Variants in PECAM1 observed in about 807,000 individuals in gnomAD.
PECAM1 encodes the protein platelet endothelial cell adhesion molecule.
PECAM1 carries 8 observed loss-of-function variants against 13.8 expected under a neutral mutation model. The observed-to-expected ratio is 0.58, with a 90% CI of 0.34 to 1.05. The LOEUF is 1.05. PECAM1 is among the 50% of genes least tolerant of loss of function. The probability of loss-of-function intolerance (pLI) is 0.03; values close to 1 mark genes in which losing one functional copy is unlikely to be tolerated. For synonymous variants in PECAM1, 136 were observed against 52.6 expected, an observed-to-expected ratio of 2.58 and a Z score of -6.86; for missense variants, 304 against 141.2, an observed-to-expected ratio of 2.15 and a Z score of -5.84.
chr17:64,349,001 C>A (rs1021431598), intron 12 of PECAM1, among the ~76,000 whole-genome samples: 5 of 152,144 alleles, frequency 3.3e-5, no homozygotes, highest in African/African-American at 1.2e-4. Context: ...TCAGCCCCAG[C>A]AGTTCTCCCA....
At chr17:64,379,724 TA>T (rs1207120494) in intron 2 of PECAM1, among the ~76,000 whole-genome samples, 28 of 151,972 alleles carry the variant, frequency 1.8e-4, no homozygotes, top group Non-Finnish European at 3.8e-4. Context: ...TATACATGGC[TA>T]AAAAAAATAT....
intron 13 of PECAM1, among the ~76,000 whole-genome samples, chr17:64,343,652 A>G (rs1394390229): frequency 1.3e-5 from 2 of 152,132 alleles, no homozygotes; most frequent in Non-Finnish European, 2.9e-5. Context: ...TCAGATCCCT[A>G]CAGTTGAACT....
At chr17:64,361,557 C>G (rs1423917932) in intron 6 of PECAM1, among the ~76,000 whole-genome samples, 1 of 151,676 alleles carries the variant, frequency 6.6e-6, no homozygotes, top group Non-Finnish European at 1.5e-5. Context: ...ACTTTAAGAC[C>G]AGCCTGACCA....
At chr17:64,329,752 G>C in intron 14 of PECAM1, 30 bp from the exon 15 acceptor site, 1 of 763,390 alleles carries the variant, frequency 1.3e-6, no homozygotes, top group Non-Finnish European at 2.4e-6. Flanking sequence ...ATGGCAGTGA[G>C]CAACGCAAAT....
Position 64,321,634 on chromosome 17 carries a change from G to T in PECAM1, c.*2182C>A. 2.1e-6 allele frequency: 1 copy of T among 481,562 alleles called. No homozygotes were observed. The highest frequency in any genetic ancestry group is 2.9e-6 in the Non-Finnish European group (1 of 343,406). 29.8% of individuals were successfully genotyped at this position (481,562 alleles called of 1,614,324 possible). A position where few individuals can be genotyped will look rare whatever the true frequency, so the allele number is the denominator to read the frequency against. ...AAATTAGCCAGCTATGGCGGCTCAC[G>T]CCTCTGGTCCCAGCTACCCAGGAAG... On this transcript the variant is annotated 3_prime_UTR_variant, in exon 16 of 16. Coordinates refer to ENST00000563924, the MANE Select transcript of PECAM1 (RefSeq NM_000442.5).
At chr17:64,359,493 G>A (rs914875102) in intron 7 of PECAM1, among the ~76,000 whole-genome samples, 82 of 152,284 alleles carry the variant, frequency 5.4e-4, no homozygotes, top group African/African-American at 2.0e-3. Context: ...CAACAGCAGA[G>A]TCCTGATCTA....
intron 15 of PECAM1, among the ~76,000 whole-genome samples, chr17:64,324,605 T>C (rs9892152): frequency 0.5 from 75,492 of 152,124 alleles, 19,335 homozygotes; most frequent in East Asian, 0.69. Flanking sequence ...ACGTGAGATG[T>C]ACCCGTTTGA....
At chr17:64,346,713 G>A (rs1162534204) in intron 13 of PECAM1, among the ~76,000 whole-genome samples, 5 of 152,242 alleles carry the variant, frequency 3.3e-5, no homozygotes, top group Admixed American at 3.3e-4. Context: ...AGCCCACTCT[G>A]CATCCATTTC....
At chr17:64,339,401 C>T (rs963901892) in intron 14 of PECAM1, among the ~76,000 whole-genome samples, 154 of 152,214 alleles carry the variant, frequency 1.0e-3, no homozygotes, top group Non-Finnish European at 1.8e-3. Context: ...ACACGATGTA[C>T]TTAGACCACT....
At chr17:64,373,923 G>T (rs1181600583) in intron 4 of PECAM1, among the ~76,000 whole-genome samples, 1 of 152,126 alleles carries the variant, frequency 6.6e-6, no homozygotes, top group African/African-American at 2.4e-5. Flanking sequence ...CTGTCCTAGA[G>T]CCCTGTATGT....
intron 13 of PECAM1, among the ~76,000 whole-genome samples, chr17:64,345,010 A>G (rs2035528288): frequency 6.6e-6 from 1 of 151,928 alleles, no homozygotes. Context: ...GGGTCTCGAT[A>G]CCTCCTTATT....
intron 6 of PECAM1, 146 bp downstream of exon 6, chr17:64,363,003 T>G (rs2036021053): frequency 2.3e-6 from 1 of 434,702 alleles, no homozygotes; most frequent in Non-Finnish European, 4.1e-6. Context: ...CCTCCTTGTT[T>G]CTTTGGCCTT....
intron 14 of PECAM1, among the ~76,000 whole-genome samples, chr17:64,330,931 A>G (rs1398473591): frequency 6.6e-6 from 1 of 152,182 alleles, no homozygotes; most frequent in Non-Finnish European, 1.5e-5. Context: ...TAATTGTTAA[A>G]TGGATGTACA....
At chr17:64,376,305 AAAATAAATAAAT>A (rs386627358) in intron 3 of PECAM1, among the ~76,000 whole-genome samples, 11 of 148,510 alleles carry the variant, frequency 7.4e-5, no homozygotes, top group African/African-American at 2.2e-4. Flanking sequence ...ACTCTGTCTA[AAAATAAATAAAT>A]AAATAAATAA....
chr17:64,358,678 C>G (rs1309374844), intron 7 of PECAM1, among the ~76,000 whole-genome samples: 2 of 152,186 alleles, frequency 1.3e-5, no homozygotes, highest in African/African-American at 4.8e-5. Flanking sequence ...TATTATGATT[C>G]AGATGTTTCT....
In PECAM1 at chr17:64,375,361, G is replaced by A. The variant is rs1284882109; in HGVS notation, c.386-5C>T. On this transcript the variant is annotated splice_polypyrimidine_tract_variant and splice_region_variant and intron_variant, in intron 3 of 15. Coordinates refer to ENST00000563924, the MANE Select transcript of PECAM1 (RefSeq NM_000442.5). ...TCACCCTGGGACTGGGCACTCCTAC[G>A]GGGAAAGAGAAAGTCTGTCAGTATC... 9 of 465,760 alleles carry A rather than the reference G, an allele frequency of 1.9e-5. No homozygotes were observed. Among genetic ancestry groups the A allele is most frequent in the Admixed American group, 6.8e-5 (2 of 29,602 alleles). The allele number at this position is 465,760 out of a possible 1,614,324, so 28.9% of individuals were successfully genotyped here. A position where few individuals can be genotyped will look rare whatever the true frequency, so the allele number is the denominator to read the frequency against.
At chr17:64,377,244 G>C (rs891812890) in intron 3 of PECAM1, among the ~76,000 whole-genome samples, 1 of 152,308 alleles carries the variant, frequency 6.6e-6, no homozygotes, top group Non-Finnish European at 1.5e-5. Context: ...AATGTAGAGA[G>C]AGCATCAGAG....
At chr17:64,383,323 C>T (rs996699667) in intron 2 of PECAM1, among the ~76,000 whole-genome samples, 8 of 152,266 alleles carry the variant, frequency 5.3e-5, no homozygotes, top group Admixed American at 5.2e-4. Context: ...TGGGCCACCA[C>T]GTCTCTGCCT....
At chr17:64,326,688 A>G (rs1555645785) in intron 15 of PECAM1, among the ~76,000 whole-genome samples, 1 of 152,204 alleles carries the variant, frequency 6.6e-6, no homozygotes, top group African/African-American at 2.4e-5. Context: ...AACCAAAGCC[A>G]CAGACAGGAA....
Sources: gnomAD v4.1 joint callset for allele counts (sites outside exome capture counted in the v4.1 genomes callset) on GRCh38, gnomAD v4.1.1 for gene constraint, MANE v1.5 for transcripts, NCBI Gene and HGNC (gene_info 2026-07-23, HGNC 2026-07-21) for gene names.